Variants in MND1 observed in about 807,000 individuals in gnomAD.
MND1 encodes the protein meiotic nuclear divisions 1, also known as meiotic nuclear division protein 1 homolog.
MND1 carries 28 observed loss-of-function variants against 35.1 expected under a neutral mutation model. That is an observed-to-expected ratio of 0.80 (90% CI 0.59 to 1.09). The LOEUF is 1.09. Ranked by LOEUF, MND1 falls within the 50% of genes least tolerant of loss-of-function variation. The probability of loss-of-function intolerance (pLI) is 0.00; values close to 1 mark genes in which losing one functional copy is unlikely to be tolerated. For missense variants in MND1, 213 were observed against 239.6 expected (o/e 0.89, Z 0.73); for synonymous variants, 69 against 70.5 (o/e 0.98, Z 0.11).
intron 4 of MND1, among the ~76,000 whole-genome samples, chr4:153,380,922 C>T (rs965962693): frequency 2.0e-5 from 3 of 150,624 alleles, no homozygotes; most frequent in Non-Finnish European, 4.4e-5. Flanking sequence ...TTTTTTAAGG[C>T]AGACTGTCGC....
chr4:153,398,515 G>A (rs766873354), intron 6 of MND1, among the ~76,000 whole-genome samples: 3 of 152,164 alleles, frequency 2.0e-5, no homozygotes, highest in African/African-American at 4.8e-5. Flanking sequence ...GAGACAGGTC[G>A]CTGCTTTGCG....
intron 6 of MND1, among the ~76,000 whole-genome samples, chr4:153,403,166 A>C (rs1408625643): frequency 6.6e-6 from 1 of 152,124 alleles, no homozygotes; most frequent in African/African-American, 2.4e-5. Context: ...TGATATGTTC[A>C]TGAGAGCCTT....
chr4:153,399,134 G>A (rs544556271), intron 6 of MND1, among the ~76,000 whole-genome samples: 36 of 152,188 alleles, frequency 2.4e-4, no homozygotes, highest in African/African-American at 7.9e-4. Context: ...ACTCTTACTT[G>A]CCTTTTTTCC....
At chr4:153,410,764 G>A (rs1026398295) in intron 7 of MND1, among the ~76,000 whole-genome samples, 29 of 152,202 alleles carry the variant, frequency 1.9e-4, no homozygotes, top group African/African-American at 7.0e-4. Context: ...GCCGAGGCAG[G>A]AGGATCACTT....
intron 7 of MND1, among the ~76,000 whole-genome samples, chr4:153,411,093 G>A (rs560266405): frequency 1.3e-3 from 198 of 152,218 alleles, no homozygotes; most frequent in Non-Finnish European, 2.3e-3. Context: ...CAGAGTCTAA[G>A]TATAGAAATG....
intron 4 of MND1, among the ~76,000 whole-genome samples, chr4:153,388,468 CAG>C (rs1010948313): frequency 2.6e-5 from 4 of 152,188 alleles, no homozygotes; most frequent in Admixed American, 6.5e-5. Flanking sequence ...GCCTGAACAA[CAG>C]AGTAAGACCC....
At chr4:153,353,116 A>G (rs1579894108) in intron 2 of MND1, among the ~76,000 whole-genome samples, 2 of 152,250 alleles carry the variant, frequency 1.3e-5, no homozygotes, top group East Asian at 1.9e-4. Context: ...TTTCTAATGC[A>G]TTAAAGACTT....
chr4:153,346,672 A>G (rs73854665), intron 1 of MND1, among the ~76,000 whole-genome samples: 2,608 of 152,318 alleles, frequency 0.017, 64 homozygotes, highest in African/African-American at 0.057. Context: ...AATGGATGAT[A>G]CAGCTCATCC....
intron 6 of MND1, 127 bp downstream of exon 6, chr4:153,397,460 T>G: frequency 1.6e-6 from 1 of 606,288 alleles, no homozygotes; most frequent in South Asian, 2.8e-5. Context: ...GTATTCTGTT[T>G]GTAGTACTCT....
chr4:153,348,748 T>C, intron 1 of MND1, among the ~76,000 whole-genome samples: 1 of 152,080 alleles, frequency 6.6e-6, no homozygotes, highest in Non-Finnish European at 1.5e-5. Context: ...CAGCCTCAAG[T>C]GATCCTCCAG....
intron 1 of MND1, among the ~76,000 whole-genome samples, chr4:153,346,334 G>C (rs1773076774): frequency 6.6e-6 from 1 of 152,158 alleles, no homozygotes; most frequent in Non-Finnish European, 1.5e-5. Context: ...ACTTCTAACT[G>C]AGAAGGTTCC....
intron 4 of MND1, among the ~76,000 whole-genome samples, chr4:153,361,813 G>A (rs1295636760): frequency 6.6e-6 from 1 of 151,608 alleles, no homozygotes; most frequent in African/African-American, 2.4e-5. Flanking sequence ...ACTCCAGGCT[G>A]GGCAACAGAG....
At chr4:153,356,845 C>A (rs1773357779) in intron 3 of MND1, among the ~76,000 whole-genome samples, 2 of 151,732 alleles carry the variant, frequency 1.3e-5, no homozygotes, top group African/African-American at 4.8e-5. Context: ...CTCTGTCACC[C>A]AGGCTGGAGC....
chr4:153,344,692 C>T lies in MND1; in HGVS notation c.-46C>T, dbSNP rs1385127062. ...ACGCGTCCTGGCCTGTCCCGCCCCT[C>T]TCCCCAAGCGCGGGCCCGGCCAGCG... On this transcript the variant is annotated 5_prime_UTR_variant, in exon 1 of 8. Coordinates refer to ENST00000240488, the MANE Select transcript of MND1 (RefSeq NM_032117.4). 6.4e-7 allele frequency: 1 copy of T among 1,554,838 alleles called. No homozygotes were observed. Among genetic ancestry groups the T allele is most frequent in the South Asian group, 1.2e-5 (1 of 85,534 alleles).
At chr4:153,405,923 A>G (rs1356245993) in intron 6 of MND1, among the ~76,000 whole-genome samples, 1 of 151,932 alleles carries the variant, frequency 6.6e-6, no homozygotes, top group African/African-American at 2.4e-5. Context: ...TCCTGCCTCA[A>G]CCTCCGAGTA....
At chr4:153,413,212 C>T (rs1729738839) in intron 7 of MND1, among the ~76,000 whole-genome samples, 1 of 152,174 alleles carries the variant, frequency 6.6e-6, no homozygotes, top group African/African-American at 2.4e-5. Flanking sequence ...CAGCCCATAA[C>T]ATTCCAGAAG....
rs181485816 is a variant in MND1, at chr4:153,406,872, C to T, written c.467-2099C>T. ...GAGGTTTATTGGACTTACGGTGCCA[C>T]GTATTTGGGGAAACCTCACAATCAT... On this transcript the variant is annotated intron_variant, in intron 6 of 7. Coordinates refer to ENST00000240488, the MANE Select transcript of MND1 (RefSeq NM_032117.4). Among the ~76,000 whole-genome samples, 434 of 152,296 alleles carry T rather than the reference C, an allele frequency of 2.8e-3. 2 individuals carry two copies. The highest frequency in any genetic ancestry group is 4.7e-3 in the Non-Finnish European group (321 of 68,020).
intron 5 of MND1, 108 bp downstream of exon 5, chr4:153,394,444 A>G (rs1261805604): frequency 1.1e-5 from 9 of 799,332 alleles, no homozygotes. Flanking sequence ...AGAGAAGGGG[A>G]TCATAGCCAA....
intron 4 of MND1, among the ~76,000 whole-genome samples, chr4:153,388,843 A>G (rs1242884799): frequency 6.6e-6 from 1 of 152,140 alleles, no homozygotes; most frequent in African/African-American, 2.4e-5. Flanking sequence ...GAATATACTG[A>G]CAGTTGAAGG....
Sources: allele counts gnomAD v4.1 joint callset (sites outside exome capture counted in the v4.1 genomes callset), GRCh38; gene constraint gnomAD v4.1.1; transcripts MANE v1.5; gene names NCBI Gene and HGNC (gene_info 2026-07-23, HGNC 2026-07-21).